Variants in RIMS1 observed in about 807,000 individuals in gnomAD.
RIMS1 encodes regulating synaptic membrane exocytosis 1, also known as regulating synaptic membrane exocytosis protein 1.
A neutral mutation model predicts 214.1 loss-of-function variants in RIMS1; 83 were observed. The ratio of observed to expected loss-of-function variants is 0.39; its 90% CI spans 0.32 to 0.47. RIMS1 has a LOEUF of 0.47. Among genes scored for constraint, RIMS1 ranks in the 20% least tolerant of loss-of-function variants. The pLI, the probability that RIMS1 is intolerant of heterozygous loss-of-function variation, is 0.99. For synonymous variants in RIMS1, 793 were observed against 786.8 expected (o/e 1.01, Z -0.13); for missense variants, 2,050 against 2,161.8 (o/e 0.95, Z 1.03).
At chr6:72,307,561 C>A (rs1031825718) in intron 27 of RIMS1, among the ~76,000 whole-genome samples, 191 bp downstream of exon 27, 18 of 152,036 alleles carry the variant, frequency 1.2e-4, no homozygotes, top group African/African-American at 4.1e-4. Context: ...AAGTTCAAGA[C>A]CAGCCAACAT....
At chr6:72,169,024 T>C (rs941352667) in intron 4 of RIMS1, among the ~76,000 whole-genome samples, 3 of 152,176 alleles carry the variant, frequency 2.0e-5, no homozygotes, top group East Asian at 3.8e-4. Context: ...ATTTCTGTTT[T>C]GTATATTTTA....
chr6:71,898,462 A>G (rs997635214), intron 1 of RIMS1, among the ~76,000 whole-genome samples: 1 of 152,154 alleles, frequency 6.6e-6, no homozygotes, highest in Non-Finnish European at 1.5e-5. Flanking sequence ...ATAGGCCTCC[A>G]TCAAGTGCTG....
At chr6:72,307,580 C>T (rs2095281721) in intron 27 of RIMS1, among the ~76,000 whole-genome samples, 1 of 151,946 alleles carries the variant, frequency 6.6e-6, no homozygotes, top group Non-Finnish European at 1.5e-5. Context: ...ATGGTTAAAC[C>T]CCATCTCTAC....
intron 29 of RIMS1, among the ~76,000 whole-genome samples, chr6:72,382,652 A>G (rs1292394645): frequency 2.0e-5 from 3 of 152,184 alleles, no homozygotes; most frequent in Non-Finnish European, 2.9e-5. Context: ...AAGACCCTCC[A>G]GTGTTTACTT....
chr6:72,272,128 T>C (rs996922646), intron 22 of RIMS1, among the ~76,000 whole-genome samples: 1 of 152,178 alleles, frequency 6.6e-6, no homozygotes, highest in African/African-American at 2.4e-5. Flanking sequence ...AACTTTATGA[T>C]TAAAATCTCC....
chr6:72,018,529 A>G (rs1354642170), intron 2 of RIMS1, among the ~76,000 whole-genome samples: 1 of 152,200 alleles, frequency 6.6e-6, no homozygotes, highest in Non-Finnish European at 1.5e-5. Flanking sequence ...TCTAGAGTTT[A>G]GGAAGATGTC....
chr6:72,372,895 G>A (rs983831099), intron 29 of RIMS1, among the ~76,000 whole-genome samples: 2 of 152,328 alleles, frequency 1.3e-5, no homozygotes, highest in Admixed American at 6.5e-5. Context: ...GTGTAACAAT[G>A]TGTGTGATTT....
At chr6:72,380,678 T>C (rs1171501951) in intron 29 of RIMS1, among the ~76,000 whole-genome samples, 2 of 152,212 alleles carry the variant, frequency 1.3e-5, no homozygotes, top group Non-Finnish European at 2.9e-5. Flanking sequence ...GATTTCAGTA[T>C]ACTCGTGTAA....
rs544244214 is a variant in RIMS1 at position 72,083,910 on chromosome 6, T to C, written c.246-13039T>C. 1.3e-4 allele frequency among the ~76,000 whole-genome samples: 20 copies of C among 152,344 alleles called. No homozygotes were observed. In the East Asian group the frequency reaches 3.5e-3, roughly 26 times the overall value. Reference sequence around the variant, plus strand: ...GCCAGACTCACACTTATGCCTGAACTATTATATTTAATTCCTTCCAAAAAG... The same window carrying C: ...GCCAGACTCACACTTATGCCTGAACCATTATATTTAATTCCTTCCAAAAAG... On this transcript the variant is annotated intron_variant, in intron 2 of 33. Transcript: ENST00000521978.
intron 30 of RIMS1, among the ~76,000 whole-genome samples, chr6:72,391,807 G>A (rs2098707449): frequency 6.6e-6 from 1 of 152,158 alleles, no homozygotes; most frequent in African/African-American, 2.4e-5. Flanking sequence ...CATATTTGAT[G>A]AAGTAGCATA....
At chr6:72,189,648 T>TCTG (rs1371899263) in intron 6 of RIMS1, among the ~76,000 whole-genome samples, 1 of 152,212 alleles carries the variant, frequency 6.6e-6, no homozygotes, top group Non-Finnish European at 1.5e-5. Flanking sequence ...AGTGTTGGTC[T>TCTG]CTGCTGCTGG....
At chr6:72,124,685 C>CT (rs1236916832) in intron 4 of RIMS1, among the ~76,000 whole-genome samples, 2 of 147,402 alleles carry the variant, frequency 1.4e-5, no homozygotes, top group Non-Finnish European at 3.1e-5. Context: ...TCTTTTTACT[C>CT]TTTTTTCTCC....
chr6:72,319,335 G>C (rs1300234886), intron 28 of RIMS1, among the ~76,000 whole-genome samples: 1 of 152,176 alleles, frequency 6.6e-6, no homozygotes, highest in African/African-American at 2.4e-5. Flanking sequence ...AGGTGTAATG[G>C]AAGGAGGAGA....
chr6:72,348,021 T>C (rs1161340841), intron 29 of RIMS1, among the ~76,000 whole-genome samples: 1 of 151,936 alleles, frequency 6.6e-6, no homozygotes, highest in Non-Finnish European at 1.5e-5. Flanking sequence ...GATAGGTGAA[T>C]GTGATGTTTG....
chr6:72,177,677 ATTTCAAAC>A (rs1409636633), intron 4 of RIMS1, among the ~76,000 whole-genome samples: 14 of 152,322 alleles, frequency 9.2e-5, no homozygotes, highest in Non-Finnish European at 1.5e-4. Context: ...GAATTACATG[ATTTCAAAC>A]TTTCTTATTA....
At chr6:72,379,268 T>C (rs2098445081) in intron 29 of RIMS1, among the ~76,000 whole-genome samples, 1 of 152,250 alleles carries the variant, frequency 6.6e-6, no homozygotes, top group South Asian at 2.1e-4. Context: ...GACTCCTTTA[T>C]GTCAGAGGAC....
intron 2 of RIMS1, among the ~76,000 whole-genome samples, chr6:72,006,522 A>G (rs490471): frequency 0.55 from 83,511 of 152,036 alleles, 23,444 homozygotes; most frequent in Non-Finnish European, 0.61. Context: ...ATCCGAGGCA[A>G]GGCGAGGCAT....
chr6:71,902,437 T>C (rs1308084335), intron 1 of RIMS1, among the ~76,000 whole-genome samples: 1 of 152,086 alleles, frequency 6.6e-6, no homozygotes, highest in Non-Finnish European at 1.5e-5. Context: ...TTTTGGCCCA[T>C]GAGACACAAA....
At chr6:72,255,955 C>G (rs5024330) in intron 16 of RIMS1, among the ~76,000 whole-genome samples, 105,622 of 149,728 alleles carry the variant, frequency 0.71, 37,952 homozygotes, top group East Asian at 0.98. Flanking sequence ...AGAATCACTT[C>G]AACACGAGAG....
Sources: gnomAD v4.1 joint callset for allele counts (sites outside exome capture counted in the v4.1 genomes callset) on GRCh38, gnomAD v4.1.1 for gene constraint, MANE v1.5 for transcripts, NCBI Gene and HGNC (gene_info 2026-07-23, HGNC 2026-07-21) for gene names.